The following RBM27 variants were observed in gnomAD, a reference collection of about 807,000 sequenced individuals.
RBM27 encodes RNA binding motif protein 27, also known as RNA-binding protein 27.
A neutral mutation model predicts 135.3 loss-of-function variants in RBM27; 22 were observed. That is an observed-to-expected ratio of 0.16 (90% CI 0.12 to 0.23). The LOEUF is 0.23. Ranked by LOEUF, RBM27 falls within the 10% of genes least tolerant of loss-of-function variation. RBM27 has a pLI of 1.00. For missense variants in RBM27, 1,009 were observed against 1,281.0 expected (o/e 0.79, Z 3.24); for synonymous variants, 481 against 442.4 (o/e 1.09, Z -1.10).
At chr5:146,244,651 A>AC (rs1757547088) in intron 8 of RBM27, among the ~76,000 whole-genome samples, 2 of 151,754 alleles carry the variant, frequency 1.3e-5, no homozygotes, top group Non-Finnish European at 2.9e-5. Context: ...AAATCCTCCT[A>AC]CCTCAGCCTC....
intron 7 of RBM27, among the ~76,000 whole-genome samples, chr5:146,235,969 C>T (rs556147616): frequency 9.6e-4 from 146 of 152,168 alleles, no homozygotes; most frequent in African/African-American, 3.2e-3. Context: ...GGATTACAGG[C>T]GTGAGCCACC....
chr5:146,236,417 C>T (rs1401172287), intron 7 of RBM27, among the ~76,000 whole-genome samples: 3 of 148,380 alleles, frequency 2.0e-5, no homozygotes, highest in Non-Finnish European at 2.9e-5. Flanking sequence ...AGCCTCTTCT[C>T]AGCCGTTCTC....
rs756444110 is a variant in RBM27 at position 146,251,848 on chromosome 5, G to A, written c.1417G>A (p.Val473Ile). 4 of 1,614,104 alleles carry A rather than the reference G, an allele frequency of 2.5e-6. No homozygotes were observed. The highest frequency in any genetic ancestry group is 3.4e-6 in the Non-Finnish European group (4 of 1,180,016). ...ATCCTCCATTGGATACCATACCTCAGTCTCCAGCCCTACCCCTCTGGTTCC... is the reference window on the plus strand; with the variant it reads ...ATCCTCCATTGGATACCATACCTCAATCTCCAGCCCTACCCCTCTGGTTCC... Reference protein sequence around the residue: ...MGSSIGYHTSVSSPTPLVPDT... With the variant: ...MGSSIGYHTSISSPTPLVPDT... The change falls in exon 9 of 21, where the codon GTC becomes ATC. Residue 473 changes from valine to isoleucine, a missense_variant. By Grantham distance (29) the Val-to-Ile change is conservative (BLOSUM62 3). This residue lies in a region of RBM27 where 329 missense variants were observed against 368.1 expected (regional missense o/e 0.89). Transcript: ENST00000265271.
rs749924779 is a variant in RBM27 at position 146,271,523 on chromosome 5, C to A, written c.2837C>A (p.Thr946Asn). Residue 946 changes from threonine (T) to asparagine (N), a missense_variant, in exon 19 of 21, where the codon ACC (threonine) becomes AAC (asparagine). By Grantham distance (65) the Thr-to-Asn change is moderately conservative (BLOSUM62 0). This residue lies in a region of RBM27 where 355 missense variants were observed against 427.3 expected (regional missense o/e 0.83). Coordinates refer to ENST00000265271, the MANE Select transcript of RBM27 (RefSeq NM_018989.2). The part of the protein sequence containing the change: ...LGILPVGRGK[T>N]MSSQGRGRGR... ...ATTTTACCTGTGGGTCGAGGAAAGA[C>A]CATGTCCTCTCAAGGTCGAGGAAGA... 2.5e-6 allele frequency: 4 copies of A among 1,613,540 alleles called. No individual in the cohort carries two copies. The Admixed American group carries it at 6.7e-5, about 27-fold the overall frequency.
chr5:146,236,080 A>C (rs899907226), intron 7 of RBM27, among the ~76,000 whole-genome samples: 1 of 152,202 alleles, frequency 6.6e-6, no homozygotes, highest in African/African-American at 2.4e-5. Flanking sequence ...ACATCGTTTT[A>C]TATATGGAAA....
chr5:146,203,963 C>T (rs1167298853), intron 1 of RBM27, 139 bp downstream of exon 1: 2 of 840,014 alleles, frequency 2.4e-6, no homozygotes, highest in Non-Finnish European at 3.5e-6. Context: ...CCCTGTAGTA[C>T]TATCACCATT....
intron 8 of RBM27, among the ~76,000 whole-genome samples, chr5:146,240,991 A>G (rs1166811427): frequency 6.6e-6 from 1 of 152,184 alleles, no homozygotes; most frequent in South Asian, 2.1e-4. Flanking sequence ...ATCAATTTAT[A>G]GCGGAGCCTC....
At chr5:146,205,587 G>GTT (rs74808201) in intron 1 of RBM27, among the ~76,000 whole-genome samples, 5 of 151,886 alleles carry the variant, frequency 3.3e-5, no homozygotes, top group Non-Finnish European at 5.9e-5. Flanking sequence ...TTGAATAGGG[G>GTT]TTTTTTTAAC....
intron 1 of RBM27, among the ~76,000 whole-genome samples, chr5:146,207,912 T>C (rs1055684612): frequency 1.4e-5 from 2 of 146,248 alleles, no homozygotes; most frequent in Non-Finnish European, 3.0e-5. Flanking sequence ...CCCAAAGTGC[T>C]GGGATTACAG....
Position 146,267,611 on chromosome 5 carries a change from A to G in RBM27, c.2332-38A>G. The G allele has an allele frequency of 3.1e-6, 4 of 1,297,264 alleles. 1 individual carries two copies. The highest frequency in any genetic ancestry group is 4.3e-6 in the Non-Finnish European group (4 of 920,662). The allele number at this position is 1,297,264 out of a possible 1,614,324, so 80.4% of individuals were successfully genotyped here. On this transcript the variant is annotated intron_variant, in intron 14 of 20. Transcript: ENST00000265271. ...TTCTAAGCATTTCTAAGATATAATT[A>G]TATTTGTGTGTGCTTTTTTTTTTTC... is the stretch of plus-strand genomic sequence containing the variant.
At chr5:146,275,323 G>A (rs1561567534) in intron 19 of RBM27, among the ~76,000 whole-genome samples, 1 of 151,846 alleles carries the variant, frequency 6.6e-6, no homozygotes, top group Non-Finnish European at 1.5e-5. Context: ...AGGCTGGAGT[G>A]CAGTGGTGTG....
At chr5:146,223,727 T>C (rs1756554780) in intron 3 of RBM27, among the ~76,000 whole-genome samples, 200 bp downstream of exon 3, 1 of 152,188 alleles carries the variant, frequency 6.6e-6, no homozygotes, top group Non-Finnish European at 1.5e-5. Flanking sequence ...TGTTTAGAGA[T>C]CCAAGAAATA....
intron 11 of RBM27, among the ~76,000 whole-genome samples, chr5:146,259,254 G>A (rs1758256075): frequency 6.6e-6 from 1 of 151,962 alleles, no homozygotes; most frequent in South Asian, 2.1e-4. Context: ...AGTGGCTCAC[G>A]CCTATAATCC....
intron 7 of RBM27, among the ~76,000 whole-genome samples, chr5:146,236,620 A>T (rs950532226): frequency 6.6e-6 from 1 of 152,064 alleles, no homozygotes; most frequent in Non-Finnish European, 1.5e-5. Flanking sequence ...TAGTACTAGT[A>T]TGGTATTTTT....
chr5:146,255,796 ATTAAT>A (rs780071648), intron 10 of RBM27, among the ~76,000 whole-genome samples: 8 of 152,012 alleles, frequency 5.3e-5, no homozygotes, highest in Non-Finnish European at 7.4e-5. Context: ...TAGTTTTTTG[ATTAAT>A]TTAATCATCT....
intron 10 of RBM27, among the ~76,000 whole-genome samples, chr5:146,256,973 A>G (rs767961906): frequency 2.0e-4 from 30 of 152,258 alleles, no homozygotes; most frequent in Non-Finnish European, 3.5e-4. Context: ...TGGCATCTCA[A>G]ACTCTAGAAT....
chr5:146,203,610 C>G lies in RBM27; in HGVS notation c.-156C>G, dbSNP rs561740866. ...TGAGTGAGGGCTCTTGGGTTAGTTC[C>G]TGTTAGGCCCCGGCCGGGGGAGTAG... On this transcript the variant is annotated 5_prime_UTR_variant, in exon 1 of 21. Transcript: ENST00000265271. 7.5e-6 allele frequency: 5 copies of G among 663,042 alleles called. No homozygotes were observed. In the South Asian group the frequency reaches 7.5e-5, roughly 10 times the overall value. The allele number at this position is 663,042 out of a possible 1,614,324, so 41.1% of individuals were successfully genotyped here. A position where few individuals can be genotyped will look rare whatever the true frequency, so the allele number is the denominator to read the frequency against.
At chr5:146,258,705 A>G in intron 11 of RBM27, 112 bp downstream of exon 11, 1 of 950,892 alleles carries the variant, frequency 1.1e-6, no homozygotes, top group Non-Finnish European at 1.4e-6. Context: ...GGTATCTTGA[A>G]GTTAGGGTTC....
At chr5:146,226,326 G>GT (rs1170567668) in intron 3 of RBM27, among the ~76,000 whole-genome samples, 3 of 151,976 alleles carry the variant, frequency 2.0e-5, no homozygotes. Flanking sequence ...AGATGTATCT[G>GT]TTTGAGAGGC....
Sources: gnomAD v4.1 joint callset for allele counts (sites outside exome capture counted in the v4.1 genomes callset) on GRCh38, gnomAD v4.1.1 for gene constraint, gnomAD v4.1.1 regional missense constraint, MANE v1.5 for transcripts, NCBI Gene and HGNC (gene_info 2026-07-23, HGNC 2026-07-21) for gene names.